CNTLN: variants seen among roughly 807,000 people sequenced by gnomAD.
CNTLN encodes centlein, centrosomal protein.
CNTLN carries 212 observed loss-of-function variants against 180.0 expected under a neutral mutation model. The observed-to-expected ratio is 1.18, with a 90% confidence interval of 1.05 to 1.32. CNTLN has a LOEUF of 1.32. CNTLN is among the 40% of genes most tolerant of loss of function. The pLI is 0.00. For missense variants in CNTLN, 2,095 were observed against 1,610.9 expected, an observed-to-expected ratio of 1.30 and a Z score of -5.14; for synonymous variants, 722 against 563.1, an observed-to-expected ratio of 1.28 and a Z score of -3.99.
At chr9:17,454,725 T>C (rs906946328) in intron 18 of CNTLN, among the ~76,000 whole-genome samples, 4 of 152,188 alleles carry the variant, frequency 2.6e-5, no homozygotes, top group Admixed American at 6.5e-5. Context: ...CTTTGTTAGG[T>C]AGACAAGCAC....
At chr9:17,426,369 T>C (rs916499386) in intron 18 of CNTLN, among the ~76,000 whole-genome samples, 6 of 152,140 alleles carry the variant, frequency 3.9e-5, no homozygotes, top group Non-Finnish European at 2.9e-5. Flanking sequence ...AACTTCTAAA[T>C]TGTAGTAAGA....
chr9:17,516,959 A>C, the CNTLN span, among the ~76,000 whole-genome samples: 4 of 152,146 alleles, frequency 2.6e-5, no homozygotes, highest in African/African-American at 9.7e-5. Flanking sequence ...CTCGAGCACA[A>C]TCTTTCCATC....
At chr9:17,504,965 G>A (rs1833905961), downstream of CNTLN, among the ~76,000 whole-genome samples, 2 of 152,080 alleles carry the variant, frequency 1.3e-5, no homozygotes, top group South Asian at 4.1e-4. Context: ...AATAGAATTT[G>A]CCAGAAATCT....
chr9:17,170,623 T>C (rs1274266048), intron 2 of CNTLN, among the ~76,000 whole-genome samples: 1 of 152,168 alleles, frequency 6.6e-6, no homozygotes, highest in Non-Finnish European at 1.5e-5. Flanking sequence ...TTCATTGTTA[T>C]ATTCCTCAGC....
At chr9:17,191,036 C>T (rs1554651709) in intron 2 of CNTLN, among the ~76,000 whole-genome samples, 2 of 152,134 alleles carry the variant, frequency 1.3e-5, no homozygotes, top group Non-Finnish European at 2.9e-5. Context: ...AGAGAAATAC[C>T]TAATAGTTCC....
At chr9:17,427,073 C>T (rs1346884565) in intron 18 of CNTLN, among the ~76,000 whole-genome samples, 15 of 152,090 alleles carry the variant, frequency 9.9e-5, no homozygotes, top group Admixed American at 9.8e-4. Context: ...TACCCTTGAA[C>T]TGAAGTTGCA....
intron 2 of CNTLN, among the ~76,000 whole-genome samples, chr9:17,191,846 G>A (rs1162753620): frequency 2.0e-5 from 3 of 152,176 alleles, no homozygotes; most frequent in Non-Finnish European, 4.4e-5. Flanking sequence ...GAATTTTATT[G>A]TGAGGATGTG....
chr9:17,353,203 A>G (rs1210736655), intron 12 of CNTLN, among the ~76,000 whole-genome samples: 1 of 151,230 alleles, frequency 6.6e-6, no homozygotes, highest in African/African-American at 2.4e-5. Flanking sequence ...CGATCCTCCC[A>G]TGTCAGCCTC....
At chr9:17,293,092 C>T (rs1354714107) in intron 6 of CNTLN, among the ~76,000 whole-genome samples, 1 of 152,232 alleles carries the variant, frequency 6.6e-6, no homozygotes, top group African/African-American at 2.4e-5. Flanking sequence ...TCTGCACCTG[C>T]AGGTATCAAC....
chr9:17,509,867 A>G, the CNTLN span, among the ~76,000 whole-genome samples: 1 of 152,192 alleles, frequency 6.6e-6, no homozygotes, highest in African/African-American at 2.4e-5. Context: ...GAGACACAAC[A>G]CTGATTTCAT....
chr9:17,167,582 A>G (rs1820157008), intron 2 of CNTLN: 1 of 152,234 alleles, frequency 6.6e-6, no homozygotes, highest in Admixed American at 6.5e-5. Context: ...AATGCAAGCA[A>G]GACATTTTCT....
intron 23 of CNTLN, among the ~76,000 whole-genome samples, chr9:17,473,909 T>A (rs1283851825): frequency 6.6e-6 from 1 of 152,184 alleles, no homozygotes. Context: ...TCCTTCCTCC[T>A]TGAAGCACTT....
At chr9:17,146,460 T>C (rs1051967591) in intron 2 of CNTLN, among the ~76,000 whole-genome samples, 4 of 152,186 alleles carry the variant, frequency 2.6e-5, no homozygotes, top group African/African-American at 7.2e-5. Flanking sequence ...TGTGATAATA[T>C]TGATGAGGCC....
Position 17,341,931 on chromosome 9 carries a change from T to A in CNTLN, c.1767-394T>A, listed in dbSNP as rs1430228298. ...ACATATTCACTGGTAATAGTTTTTT[T>A]AAAAGATAAAGGCATCTGTACCACA... On this transcript the variant is annotated intron_variant, in intron 11 of 25. Coordinates refer to ENST00000380647, the MANE Select transcript of CNTLN (RefSeq NM_017738.4). 3.9e-5 allele frequency among the ~76,000 whole-genome samples: 6 copies of A among 152,170 alleles called. No homozygotes were observed. In the East Asian group the frequency reaches 1.2e-3, roughly 29 times the overall value.
At chr9:17,263,918 A>T (rs1827203883) in intron 5 of CNTLN, among the ~76,000 whole-genome samples, 3 of 141,208 alleles carry the variant, frequency 2.1e-5, no homozygotes, top group Middle Eastern at 3.7e-3. Context: ...AATTTGTTTG[A>T]GTTCATTGTA....
chr9:17,270,200 C>G (rs940189776), intron 5 of CNTLN, among the ~76,000 whole-genome samples: 14 of 151,886 alleles, frequency 9.2e-5, no homozygotes, highest in African/African-American at 3.4e-4. Context: ...CCAGTTTGTT[C>G]TTGATTTTTT....
chr9:17,239,579 T>C (rs1825364046), intron 5 of CNTLN, among the ~76,000 whole-genome samples: 1 of 152,192 alleles, frequency 6.6e-6, no homozygotes, highest in African/African-American at 2.4e-5. Context: ...CTTTGTTTTG[T>C]TCTAGGAGTT....
At chr9:17,141,335 G>A (rs1330402135) in intron 1 of CNTLN, among the ~76,000 whole-genome samples, 1 of 152,122 alleles carries the variant, frequency 6.6e-6, no homozygotes, top group East Asian at 1.9e-4. Flanking sequence ...TTGGGGTTTT[G>A]GTGGCTGTGA....
chr9:17,363,626 A>C (rs904479612), intron 12 of CNTLN, among the ~76,000 whole-genome samples: 3 of 151,948 alleles, frequency 2.0e-5, no homozygotes, highest in Admixed American at 1.3e-4. Context: ...GTTCATCACT[A>C]GCTGTATCCT....
Sources: allele counts gnomAD v4.1 joint callset (sites outside exome capture counted in the v4.1 genomes callset), GRCh38; gene constraint gnomAD v4.1.1; transcripts MANE v1.5; gene names NCBI Gene and HGNC (gene_info 2026-07-23, HGNC 2026-07-21).